Variants in DDC observed in about 807,000 individuals in gnomAD.
DDC encodes the protein aromatic-L-amino-acid decarboxylase.
In DDC, 43 loss-of-function variants were observed where a neutral mutation model predicts 60.0. The observed-to-expected ratio is 0.72, with a 90% CI of 0.56 to 0.92. The LOEUF is 0.92. Among genes scored for constraint, DDC ranks in the 40% least tolerant of loss-of-function variants. The pLI, the probability that DDC is intolerant of heterozygous loss-of-function variation, is 0.00. For missense variants in DDC, 573 were observed against 620.2 expected, an observed-to-expected ratio of 0.92 and a Z score of 0.81; for synonymous variants, 232 against 234.6, an observed-to-expected ratio of 0.99 and a Z score of 0.10.
At chr7:50,469,733 C>T (rs1562982845) in intron 12 of DDC, among the ~76,000 whole-genome samples, 3 of 152,176 alleles carry the variant, frequency 2.0e-5, no homozygotes. Context: ...AATCCCAGCA[C>T]TTTGAGAGGC....
chr7:50,502,631 C>T (rs1005118753), intron 7 of DDC, among the ~76,000 whole-genome samples: 1 of 152,200 alleles, frequency 6.6e-6, no homozygotes, highest in Non-Finnish European at 1.5e-5. Context: ...CACTTCCCGC[C>T]AGTTGTTCTT....
rs534494999 is a variant in DDC at position 50,508,341 on chromosome 7, G to T, written c.715-4282C>A. ...AGGCATAATCACATTTGTGCAGGGGGAAGGAGGGGTAGGGGACAGTTCAGG... is the reference window on the plus strand; with the variant it reads ...AGGCATAATCACATTTGTGCAGGGGTAAGGAGGGGTAGGGGACAGTTCAGG... On this transcript the variant is annotated intron_variant, in intron 6 of 14. Coordinates refer to ENST00000444124, the MANE Select transcript of DDC (RefSeq NM_001082971.2). Among the ~76,000 whole-genome samples, 497 of 152,328 alleles carry T rather than the reference G, an allele frequency of 3.3e-3. 3 individuals are homozygous for T. The highest frequency in any genetic ancestry group is 0.012 in the African/African-American group (481 of 41,582).
At chr7:50,525,981 G>C (rs2044027158) in intron 6 of DDC, among the ~76,000 whole-genome samples, 4 of 151,886 alleles carry the variant, frequency 2.6e-5, no homozygotes, top group Admixed American at 2.0e-4. Flanking sequence ...TACATAATCA[G>C]AGTCCCAGAA....
At chr7:50,506,422 G>A (rs891714170) in intron 6 of DDC, among the ~76,000 whole-genome samples, 1 of 152,172 alleles carries the variant, frequency 6.6e-6, no homozygotes, top group South Asian at 2.1e-4. Context: ...GTTAATGGGT[G>A]CAGCACACCA....
intron 10 of DDC, among the ~76,000 whole-genome samples, chr7:50,479,056 T>C (rs1334556299): frequency 6.6e-6 from 1 of 152,204 alleles, no homozygotes; most frequent in Non-Finnish European, 1.5e-5. Context: ...TTATTTTGGT[T>C]CTAGTTCAAC....
At chr7:50,558,989 C>T (rs1048408996) in intron 1 of DDC, among the ~76,000 whole-genome samples, 1 of 152,220 alleles carries the variant, frequency 6.6e-6, no homozygotes, top group Non-Finnish European at 1.5e-5. Flanking sequence ...AGAGGCTCAA[C>T]AAACTCTGCT....
In DDC at chr7:50,497,221, A is replaced by AG. The variant is rs1563003513; in HGVS notation, c.877-1805_877-1804insC. ...CGCACAGCCCTCAGCTGGGCATGGA[A>AG]AGAGTCGGGAGCAATAATGCAAGAA... is the stretch of plus-strand genomic sequence containing the variant. On this transcript the variant is annotated intron_variant, in intron 8 of 14. Coordinates refer to ENST00000444124, the MANE Select transcript of DDC (RefSeq NM_001082971.2). 2.9e-4 allele frequency among the ~76,000 whole-genome samples: 44 copies of AG among 151,970 alleles called. No individual in the cohort carries two copies. In the East Asian group the frequency reaches 7.4e-3, roughly 26 times the overall value.
chr7:50,523,263 T>G (rs191102740), intron 6 of DDC, among the ~76,000 whole-genome samples: 1 of 152,350 alleles, frequency 6.6e-6, no homozygotes, highest in African/African-American at 2.4e-5. Context: ...TTAGGATTGA[T>G]GATGAATTTT....
intron 4 of DDC, among the ~76,000 whole-genome samples, chr7:50,531,559 C>A (rs1025313035): frequency 6.7e-6 from 1 of 149,908 alleles, no homozygotes; most frequent in South Asian, 2.1e-4. Context: ...ACCATGACAA[C>A]TCATTATGGC....
At position 50,519,651 on chromosome 7, in the gene DDC, C is replaced by T. The variant is rs192938540; in HGVS notation, c.714+8486G>A. ...AGTAGCTCAGGAATGGAAAACCAAA[C>T]ATTGTAGGTTCTCACTGATATGTGG... is the stretch of plus-strand genomic sequence containing the variant. On this transcript the variant is annotated intron_variant, in intron 6 of 14. Transcript: ENST00000444124. Among the ~76,000 whole-genome samples the T allele has an allele frequency of 2.0e-5, 3 of 152,270 alleles. No individual in the cohort carries two copies. The East Asian group carries it at 5.8e-4, about 29-fold the overall frequency.
chr7:50,546,831 G>A (rs2044822503), intron 1 of DDC, among the ~76,000 whole-genome samples: 1 of 152,186 alleles, frequency 6.6e-6, no homozygotes, highest in Non-Finnish European at 1.5e-5. Context: ...TATAGCAACA[G>A]CAAATGCCAA....
chr7:50,544,187 G>C, intron 1 of DDC, 74 bp from the exon 2 acceptor site: 1 of 1,157,658 alleles, frequency 8.6e-7, no homozygotes, highest in Non-Finnish European at 1.3e-6. Context: ...CAAGCAAGCC[G>C]TGGGTAGGGA....
At chr7:50,484,246 C>G (rs1032080161) in intron 9 of DDC, among the ~76,000 whole-genome samples, 2 of 152,166 alleles carry the variant, frequency 1.3e-5, no homozygotes, top group Non-Finnish European at 2.9e-5. Flanking sequence ...CTGGCTTTGT[C>G]GATCCTCTCT....
intron 13 of DDC, 86 bp downstream of exon 13, chr7:50,467,128 C>A: frequency 8.4e-7 from 1 of 1,194,830 alleles, no homozygotes; most frequent in South Asian, 1.2e-5. Context: ...GAGCCAGTGC[C>A]AGTGTTTGAG....
chr7:50,556,171 A>G (rs2045181484), intron 1 of DDC, among the ~76,000 whole-genome samples: 1 of 152,172 alleles, frequency 6.6e-6, no homozygotes, highest in Non-Finnish European at 1.5e-5. Flanking sequence ...CAAGCCCCCT[A>G]TCTTAGTCCC....
chr7:50,521,403 A>G (rs758382759), intron 6 of DDC, among the ~76,000 whole-genome samples: 10 of 152,202 alleles, frequency 6.6e-5, no homozygotes, highest in Non-Finnish European at 1.5e-4. Flanking sequence ...AGAAAATAGA[A>G]GCAAAAGGAA....
chr7:50,495,661 G>T (rs1237802386), intron 8 of DDC, among the ~76,000 whole-genome samples: 2 of 151,986 alleles, frequency 1.3e-5, no homozygotes, highest in Admixed American at 1.3e-4. Flanking sequence ...ATTTAGAGTT[G>T]ATTTGTATGT....
intron 9 of DDC, among the ~76,000 whole-genome samples, chr7:50,480,681 A>G (rs2042748451): frequency 6.6e-6 from 1 of 152,182 alleles, no homozygotes; most frequent in African/African-American, 2.4e-5. Context: ...GCAGAGTTGG[A>G]GAATTGGTGT....
chr7:50,465,504 T>C (rs1205361558), intron 13 of DDC, among the ~76,000 whole-genome samples: 1 of 152,064 alleles, frequency 6.6e-6, no homozygotes, highest in East Asian at 1.9e-4. Flanking sequence ...CCCGAGTAGC[T>C]GGGATTACAA....
Sources: gnomAD v4.1 joint callset for allele counts (sites outside exome capture counted in the v4.1 genomes callset) on GRCh38, gnomAD v4.1.1 for gene constraint, MANE v1.5 for transcripts, NCBI Gene and HGNC (gene_info 2026-07-23, HGNC 2026-07-21) for gene names.